The following MGST2 variants were observed in gnomAD, a reference collection of about 807,000 sequenced individuals.
The protein encoded by MGST2 is glutathione peroxidase MGST2.
In MGST2, 9 loss-of-function variants were observed where a neutral mutation model predicts 16.6. That is an observed-to-expected ratio of 0.54 (90% CI 0.33 to 0.95). MGST2 has a LOEUF of 0.95. MGST2 is among the 40% of genes least tolerant of loss of function. MGST2 has a pLI of 0.03. For synonymous variants in MGST2, 79 were observed against 68.0 expected (o/e 1.16, Z -0.79); for missense variants, 159 against 175.1 (o/e 0.91, Z 0.52).
intron 5 of MGST2, among the ~76,000 whole-genome samples, chr4:139,724,824 G>C (rs1177182913): frequency 6.6e-6 from 1 of 150,476 alleles, no homozygotes; most frequent in Non-Finnish European, 1.5e-5. Flanking sequence ...GCCCAGGCTG[G>C]AGTAGCTCAC....
At position 139,666,034 on chromosome 4, in the gene MGST2, G is replaced by T. The variant is rs757863653; in HGVS notation, c.15G>T (p.Ser5=). 1 of 1,614,082 alleles carries T rather than the reference G, an allele frequency of 6.2e-7. No individual in the cohort carries two copies. The highest frequency in any genetic ancestry group is 2.2e-5 in the East Asian group (1 of 44,868). Residue 5 remains serine, a synonymous_variant, in exon 1 of 5, where the codon TCG becomes TCT. Coordinates refer to ENST00000265498, the MANE Select transcript of MGST2 (RefSeq NM_002413.5). The part of the protein sequence containing the change: MAGN[S]ILLAAVSILS... ...CCGTGAGAAAGATGGCCGGGAACTC[G>T]ATCCTGCTGGCTGCTGTCTCTATTC...
At chr4:139,747,069 T>C in the MGST2 span, among the ~76,000 whole-genome samples, 1 of 152,172 alleles carries the variant, frequency 6.6e-6, no homozygotes, top group South Asian at 2.1e-4. Flanking sequence ...CTTAGTGGTT[T>C]TGTCTTGTGC....
At chr4:139,685,067 C>G (rs939438881) in intron 2 of MGST2, 2 of 152,392 alleles carry the variant, frequency 1.3e-5, no homozygotes, top group African/African-American at 2.4e-5. Context: ...TGGTCTCAGT[C>G]TTCATTGCTT....
chr4:139,688,050 C>T (rs1035475908), intron 2 of MGST2, among the ~76,000 whole-genome samples: 1 of 152,190 alleles, frequency 6.6e-6, no homozygotes, highest in Non-Finnish European at 1.5e-5. Context: ...AAAAGTAGAT[C>T]CAAGTAATAA....
At chr4:139,673,496 T>C (rs1219124600) in intron 1 of MGST2, among the ~76,000 whole-genome samples, 2 of 152,150 alleles carry the variant, frequency 1.3e-5, no homozygotes, top group Non-Finnish European at 2.9e-5. Context: ...AGCCTTGTCC[T>C]CCCAGGCTCA....
At chr4:139,739,162 G>A (rs1284612940) in intron 5 of MGST2, among the ~76,000 whole-genome samples, 1 of 152,168 alleles carries the variant, frequency 6.6e-6, no homozygotes, top group Non-Finnish European at 1.5e-5. Context: ...CCAACATCAG[G>A]TATAACTGGA....
chr4:139,697,320 C>G (rs770571174), intron 3 of MGST2, among the ~76,000 whole-genome samples: 3 of 151,926 alleles, frequency 2.0e-5, no homozygotes, highest in Non-Finnish European at 2.9e-5. Context: ...TTTTCTCCCC[C>G]GGGACAGGGC....
chr4:139,730,849 A>AGCCCT (rs1385026869), intron 5 of MGST2: 1 of 611,628 alleles, frequency 1.6e-6, no homozygotes, highest in African/African-American at 1.9e-5. Flanking sequence ...CCTGAGTAGA[A>AGCCCT]TGAGAGAGGC....
At chr4:139,733,789 A>C (rs907323) in intron 5 of MGST2, among the ~76,000 whole-genome samples, 2 of 152,070 alleles carry the variant, frequency 1.3e-5, no homozygotes, top group Non-Finnish European at 2.9e-5. Flanking sequence ...GGCTCAAGCA[A>C]TCTTCCTGCC....
intron 5 of MGST2, among the ~76,000 whole-genome samples, chr4:139,736,130 T>A (rs1249770018): frequency 6.6e-6 from 1 of 151,970 alleles, no homozygotes; most frequent in Admixed American, 6.6e-5. Context: ...ACACACTCAC[T>A]CACTCACTCA....
At chr4:139,725,590 A>C (rs1473381701) in intron 5 of MGST2, among the ~76,000 whole-genome samples, 1 of 152,208 alleles carries the variant, frequency 6.6e-6, no homozygotes, top group Non-Finnish European at 1.5e-5. Flanking sequence ...GGCCTCTAGG[A>C]ATCCATTCTG....
At chr4:139,733,486 C>T (rs922938272) in intron 5 of MGST2, among the ~76,000 whole-genome samples, 2 of 148,704 alleles carry the variant, frequency 1.3e-5, no homozygotes, top group African/African-American at 5.0e-5. Flanking sequence ...AATGGGGTGA[C>T]GACGATACAT....
chr4:139,752,210 C>T, the MGST2 span, among the ~76,000 whole-genome samples: 22 of 152,290 alleles, frequency 1.4e-4, no homozygotes, highest in Admixed American at 1.4e-3. Flanking sequence ...ACGTTACGTA[C>T]TACTAGAAAG....
At chr4:139,685,749 C>T (rs1435046271) in intron 2 of MGST2, among the ~76,000 whole-genome samples, 1 of 152,208 alleles carries the variant, frequency 6.6e-6, no homozygotes, top group Non-Finnish European at 1.5e-5. Flanking sequence ...CTGCAACCTC[C>T]CCTTCCTGGG....
At chr4:139,737,095 A>G (rs780626413) in intron 5 of MGST2, among the ~76,000 whole-genome samples, 92 of 152,252 alleles carry the variant, frequency 6.0e-4, no homozygotes, top group Non-Finnish European at 1.0e-3. Flanking sequence ...AGGAAGGGCG[A>G]GTCCCCTATA....
At chr4:139,722,892 A>C (rs1402201826) in intron 5 of MGST2, among the ~76,000 whole-genome samples, 1 of 152,258 alleles carries the variant, frequency 6.6e-6, no homozygotes, top group African/African-American at 2.4e-5. Flanking sequence ...AATACTGAAG[A>C]TAGTAAAACA....
At chr4:139,719,250 G>T in intron 5 of MGST2, 1 of 1,483,114 alleles carries the variant, frequency 6.7e-7, no homozygotes, top group Non-Finnish European at 9.0e-7. Flanking sequence ...AACAAGGATG[G>T]GTCAACATCC....
At chr4:139,745,496 G>A (rs946342893), downstream of MGST2, among the ~76,000 whole-genome samples, 4 of 152,072 alleles carry the variant, frequency 2.6e-5, no homozygotes, top group African/African-American at 9.7e-5. Flanking sequence ...TTGACTGTGG[G>A]AACTGAAAAA....
chr4:139,701,436 G>A (rs1480503040), intron 3 of MGST2, among the ~76,000 whole-genome samples: 1 of 152,004 alleles, frequency 6.6e-6, no homozygotes, highest in African/African-American at 2.4e-5. Flanking sequence ...CTGTGGTGCC[G>A]ATACAGATGT....
Sources: allele counts gnomAD v4.1 joint callset (sites outside exome capture counted in the v4.1 genomes callset), GRCh38; gene constraint gnomAD v4.1.1; transcripts MANE v1.5; gene names NCBI Gene and HGNC (gene_info 2026-07-23, HGNC 2026-07-21).